Variants in PPIG observed in about 807,000 individuals in gnomAD.
PPIG encodes peptidylprolyl isomerase G.
A neutral mutation model predicts 87.9 loss-of-function variants in PPIG; 26 were observed. That is an observed-to-expected ratio of 0.30 (90% CI 0.22 to 0.41). The LOEUF is 0.41. Ranked by LOEUF, PPIG falls within the 10% of genes least tolerant of loss-of-function variation. PPIG has a pLI of 1.00. For synonymous variants in PPIG, 308 were observed against 276.5 expected, an observed-to-expected ratio of 1.11 and a Z score of -1.13; for missense variants, 722 against 879.4, an observed-to-expected ratio of 0.82 and a Z score of 2.26.
At chr2:169,627,416 T>C (rs1247408032) in intron 9 of PPIG, among the ~76,000 whole-genome samples, 1 of 152,238 alleles carries the variant, frequency 6.6e-6, no homozygotes, top group Admixed American at 6.5e-5. Flanking sequence ...TATCATGTTA[T>C]CTTGCTTCAC....
At chr2:169,606,974 G>T in intron 5 of PPIG, 130 bp from the exon 6 acceptor site, 12 of 652,690 alleles carry the variant, frequency 1.8e-5, no homozygotes, top group Admixed American at 5.4e-5. Flanking sequence ...TATCTTTTAT[G>T]ATTTGCTGCA....
At chr2:169,601,543 A>G (rs1052977337) in intron 1 of PPIG, among the ~76,000 whole-genome samples, 2 of 152,212 alleles carry the variant, frequency 1.3e-5, no homozygotes, top group Non-Finnish European at 2.9e-5. Context: ...ATGGGCCTCT[A>G]TAAGAAGGTG....
chr2:169,607,030 CA>C (rs1685350623), intron 5 of PPIG, 73 bp from the exon 6 acceptor site: 1 of 894,576 alleles, frequency 1.1e-6, no homozygotes, highest in African/African-American at 1.7e-5. Flanking sequence ...ATCTACTTTA[CA>C]AGAAGTATTT....
chr2:169,602,942 T>A (rs1462515862), intron 1 of PPIG, among the ~76,000 whole-genome samples: 1 of 152,130 alleles, frequency 6.6e-6, no homozygotes, highest in East Asian at 1.9e-4. Context: ...TTTTTGAAGC[T>A]AGAGCCAAAT....
chr2:169,595,673 G>C (rs1684996654), intron 1 of PPIG, among the ~76,000 whole-genome samples: 1 of 152,098 alleles, frequency 6.6e-6, no homozygotes, highest in Admixed American at 6.6e-5. Context: ...TTGTCCTTCT[G>C]TGCCTGGCTT....
At position 169,637,198 on chromosome 2, in the gene PPIG, A is replaced by G; in HGVS notation, c.1940A>G (p.Gln647Arg). ...QSRNKDKYRN[Q>R]ESKSSHRKEN... is the part of the protein sequence containing the mutation. ...AGAAACAAAGACAAATACAGAAACCAAGAGAGTAAGAGCTCACACAGAAAA... is the reference window on the plus strand; with the variant it reads ...AGAAACAAAGACAAATACAGAAACCGAGAGAGTAAGAGCTCACACAGAAAA... The change falls in exon 14 of 14, where the codon CAA (glutamine) becomes CGA (arginine). Residue 647 changes from glutamine (Q) to arginine (R), a missense_variant. Gln to Arg is a conservative substitution (Grantham distance 43). Around this residue, in one of 4 missense-constraint regions of PPIG, gnomAD observed 476 missense variants for 483.1 expected, o/e 0.99. Coordinates refer to ENST00000260970, the MANE Select transcript of PPIG (RefSeq NM_004792.3). The G allele has an allele frequency of 6.2e-7, 1 of 1,613,520 alleles. No individual in the cohort carries two copies. Among genetic ancestry groups the G allele is most frequent in the Non-Finnish European group, 8.5e-7 (1 of 1,179,920 alleles).
chr2:169,627,979 A>AT (rs968998367), intron 9 of PPIG, among the ~76,000 whole-genome samples: 14 of 151,584 alleles, frequency 9.2e-5, no homozygotes, highest in South Asian at 2.1e-4. Flanking sequence ...TTAAAATTTG[A>AT]TTTTTTCCCC....
intron 1 of PPIG, among the ~76,000 whole-genome samples, chr2:169,585,071 G>A (rs943271146): frequency 1.3e-5 from 2 of 152,096 alleles, no homozygotes; most frequent in African/African-American, 2.4e-5. Flanking sequence ...CAGTTAAGTG[G>A]CAGAGGCCAC....
intron 12 of PPIG, among the ~76,000 whole-genome samples, chr2:169,634,330 A>G (rs1186155669): frequency 6.6e-6 from 1 of 152,078 alleles, no homozygotes; most frequent in Non-Finnish European, 1.5e-5. Flanking sequence ...CCAAAGTCCT[A>G]GAATTACAGG....
intron 1 of PPIG, among the ~76,000 whole-genome samples, chr2:169,603,410 C>CTGTT (rs1685237179): frequency 6.6e-6 from 1 of 152,230 alleles, no homozygotes; most frequent in Admixed American, 6.5e-5. Context: ...TCAGTAAAGG[C>CTGTT]TGTTGCTCAG....
At chr2:169,598,381 C>G (rs35350063) in intron 1 of PPIG, among the ~76,000 whole-genome samples, 8 of 152,060 alleles carry the variant, frequency 5.3e-5, no homozygotes, top group Admixed American at 2.6e-4. Context: ...AGCTCTGCCT[C>G]CCGGGTTCAC....
chr2:169,612,785 A>G (rs1252855916), intron 7 of PPIG, among the ~76,000 whole-genome samples: 5 of 152,090 alleles, frequency 3.3e-5, no homozygotes, highest in African/African-American at 1.2e-4. Context: ...CATTTTGGCT[A>G]TTGTGAATAC....
At position 169,632,918 on chromosome 2, in the gene PPIG, T is replaced by G. The variant is rs549071171; in HGVS notation, c.930-242T>G. 4.6e-5 allele frequency among the ~76,000 whole-genome samples: 7 copies of G among 151,342 alleles called. No individual in the cohort carries two copies. In the East Asian group the frequency reaches 1.4e-3, roughly 30 times the overall value. ...ACTTTGGGAGGCCAAGGTGGGCAGATCACTTGAGCCACCATGCCCAGCTAA... is the reference window on the plus strand; with the variant it reads ...ACTTTGGGAGGCCAAGGTGGGCAGAGCACTTGAGCCACCATGCCCAGCTAA... On this transcript the variant is annotated intron_variant, in intron 11 of 13. Transcript: ENST00000260970.
At chr2:169,619,163 A>C (rs1388109743) in intron 9 of PPIG, among the ~76,000 whole-genome samples, 2 of 152,256 alleles carry the variant, frequency 1.3e-5, no homozygotes, top group South Asian at 4.1e-4. Context: ...TTCAGTTTCC[A>C]TGTAATTGTG....
At chr2:169,622,592 A>G (rs1685786024) in intron 9 of PPIG, among the ~76,000 whole-genome samples, 1 of 152,112 alleles carries the variant, frequency 6.6e-6, no homozygotes, top group Admixed American at 6.5e-5. Context: ...TTGGCCCTTT[A>G]TTAATATGTA....
At chr2:169,593,857 A>T (rs1348472736) in intron 1 of PPIG, among the ~76,000 whole-genome samples, 1 of 146,758 alleles carries the variant, frequency 6.8e-6, no homozygotes, top group South Asian at 2.2e-4. Flanking sequence ...GGGTTTCACC[A>T]TGTTAGCCAG....
chr2:169,590,853 A>T (rs1684845971), intron 1 of PPIG, among the ~76,000 whole-genome samples: 1 of 151,954 alleles, frequency 6.6e-6, no homozygotes. Flanking sequence ...AAAAATTTTT[A>T]AAAATTAGCT....
At chr2:169,633,116 A>C (rs1254037253) in intron 11 of PPIG, 44 bp from the exon 12 acceptor site, 5 of 1,434,972 alleles carry the variant, frequency 3.5e-6, no homozygotes, top group Non-Finnish European at 4.9e-6. Context: ...GGCCAACAAA[A>C]GTTTTTAAAA....
intron 12 of PPIG, among the ~76,000 whole-genome samples, chr2:169,634,558 T>C (rs1223257122): frequency 6.6e-6 from 1 of 152,202 alleles, no homozygotes; most frequent in Non-Finnish European, 1.5e-5. Flanking sequence ...GCACAAGCTC[T>C]TCCTCTTCAA....
Sources: gnomAD v4.1 joint callset for allele counts (sites outside exome capture counted in the v4.1 genomes callset) on GRCh38, gnomAD v4.1.1 for gene constraint, gnomAD v4.1.1 regional missense constraint, MANE v1.5 for transcripts, NCBI Gene and HGNC (gene_info 2026-07-23, HGNC 2026-07-21) for gene names.